MDFIC2: variants seen among roughly 807,000 people sequenced by gnomAD.
MDFIC2 encodes MyoD family inhibitor domain containing 2, also known as myoD family inhibitor domain-containing protein 2.
chr3:70,278,860 G>A (rs925802369), intron 2 of MDFIC2, among the ~76,000 whole-genome samples: 1 of 151,834 alleles, frequency 6.6e-6, no homozygotes, highest in Non-Finnish European at 1.5e-5. Flanking sequence ...AAGGGTTGTT[G>A]TAAAAACAAA....
At chr3:70,303,182 C>G (rs895327415) in intron 2 of MDFIC2, among the ~76,000 whole-genome samples, 1 of 152,104 alleles carries the variant, frequency 6.6e-6, no homozygotes, top group Admixed American at 6.5e-5. Context: ...GCTACTGGCT[C>G]TTAGAGTAGA....
intron 2 of MDFIC2, among the ~76,000 whole-genome samples, chr3:70,260,403 A>G (rs1701854675): frequency 6.6e-6 from 1 of 151,962 alleles, no homozygotes; most frequent in South Asian, 2.1e-4. Flanking sequence ...CAACAACCCT[A>G]TTTCCAAATA....
chr3:70,250,520 A>G (rs1329969502), intron 2 of MDFIC2, among the ~76,000 whole-genome samples: 1 of 152,116 alleles, frequency 6.6e-6, no homozygotes, highest in Non-Finnish European at 1.5e-5. Context: ...GAGCTTTTAG[A>G]TAAATATTTT....
At chr3:70,256,028 G>A (rs755862085) in intron 2 of MDFIC2, among the ~76,000 whole-genome samples, 7 of 152,264 alleles carry the variant, frequency 4.6e-5, no homozygotes, top group East Asian at 3.9e-4. Flanking sequence ...AGGTGTAATA[G>A]TACCACCCCA....
Position 70,224,392 on chromosome 3 carries a change from C to A in MDFIC2, c.89-17602G>T, listed in dbSNP as rs537711598. ...CTGAGCTGCTTTATTTCATTATGTT[C>A]TCCTACCTATTCTAGAAGCCCTTTG... is the stretch of plus-strand genomic sequence containing the variant. On this transcript the variant is annotated intron_variant, in intron 2 of 3. Transcript: ENST00000567252. Among the ~76,000 whole-genome samples the A allele has an allele frequency of 2.0e-5, 3 of 152,252 alleles. No individual in the cohort carries two copies. In the East Asian group the frequency reaches 5.8e-4, roughly 29 times the overall value.
intron 2 of MDFIC2, among the ~76,000 whole-genome samples, chr3:70,294,634 G>T (rs1328814771): frequency 1.3e-5 from 2 of 152,034 alleles, no homozygotes; most frequent in African/African-American, 2.4e-5. Context: ...AACAGAAAAC[G>T]TCAACTCAAA....
intron 2 of MDFIC2, among the ~76,000 whole-genome samples, chr3:70,286,780 T>G (rs1257966193): frequency 1.3e-5 from 2 of 152,184 alleles, no homozygotes; most frequent in African/African-American, 4.8e-5. Flanking sequence ...TTCACATCCC[T>G]TATAAGTTGG....
chr3:70,263,240 A>G (rs1701885038), intron 2 of MDFIC2, among the ~76,000 whole-genome samples: 1 of 151,978 alleles, frequency 6.6e-6, no homozygotes, highest in Non-Finnish European at 1.5e-5. Flanking sequence ...AGTAATTTTT[A>G]CTGTATGCTG....
chr3:70,212,397 A>G (rs894124520), intron 2 of MDFIC2, among the ~76,000 whole-genome samples: 1 of 152,138 alleles, frequency 6.6e-6, no homozygotes, highest in Non-Finnish European at 1.5e-5. Context: ...TGGAGAATTC[A>G]CAGTTCAATT....
intron 2 of MDFIC2, among the ~76,000 whole-genome samples, chr3:70,234,009 G>A (rs1414070722): frequency 6.6e-6 from 1 of 152,154 alleles, no homozygotes; most frequent in Non-Finnish European, 1.5e-5. Flanking sequence ...GTAAAATGCT[G>A]AGTCATGTGA....
chr3:70,207,936 G>C (rs1159026392), intron 2 of MDFIC2, among the ~76,000 whole-genome samples: 1 of 152,082 alleles, frequency 6.6e-6, no homozygotes, highest in Non-Finnish European at 1.5e-5. Context: ...ACAAGCGCTG[G>C]GCTGTATATT....
At chr3:70,222,558 A>C (rs969792162) in intron 2 of MDFIC2, among the ~76,000 whole-genome samples, 10 of 152,194 alleles carry the variant, frequency 6.6e-5, no homozygotes, top group African/African-American at 2.4e-4. Context: ...TTGAATTCCA[A>C]ATAAATTTGA....
At chr3:70,262,270 G>A (rs988121429) in intron 2 of MDFIC2, among the ~76,000 whole-genome samples, 13 of 152,150 alleles carry the variant, frequency 8.5e-5, no homozygotes, top group African/African-American at 2.7e-4. Flanking sequence ...AGGCAGTGAA[G>A]CTTCAAACAA....
chr3:70,299,182 C>T (rs1338173001), intron 2 of MDFIC2, among the ~76,000 whole-genome samples: 1 of 152,052 alleles, frequency 6.6e-6, no homozygotes, highest in African/African-American at 2.4e-5. Context: ...TCATAGAATA[C>T]TATATGTAGA....
chr3:70,287,597 CT>C (rs1168436216), intron 2 of MDFIC2, among the ~76,000 whole-genome samples: 1 of 152,066 alleles, frequency 6.6e-6, no homozygotes, highest in Non-Finnish European at 1.5e-5. Context: ...AGGATTCCCT[CT>C]TTTTCTATTG....
intron 3 of MDFIC2, among the ~76,000 whole-genome samples, chr3:70,203,606 C>T (rs1200384417): frequency 6.6e-6 from 1 of 151,958 alleles, no homozygotes; most frequent in Non-Finnish European, 1.5e-5. Flanking sequence ...AAAATTGAAA[C>T]ATTTTATAAG....
chr3:70,215,082 A>G (rs1559536951), intron 2 of MDFIC2, among the ~76,000 whole-genome samples: 1 of 152,156 alleles, frequency 6.6e-6, no homozygotes, highest in Non-Finnish European at 1.5e-5. Flanking sequence ...ATTCTCTATT[A>G]TGTTAAAACC....
At chr3:70,282,310 T>C (rs1702093822) in intron 2 of MDFIC2, among the ~76,000 whole-genome samples, 1 of 152,172 alleles carries the variant, frequency 6.6e-6, no homozygotes, top group Non-Finnish European at 1.5e-5. Context: ...AGAAGATGTA[T>C]CCACCACATG....
chr3:70,259,249 T>C (rs1447049064), intron 2 of MDFIC2, among the ~76,000 whole-genome samples: 1 of 151,896 alleles, frequency 6.6e-6, no homozygotes, highest in African/African-American at 2.4e-5. Flanking sequence ...AAGAAAGAGG[T>C]AAGAGTTGGA....
Sources: allele counts gnomAD v4.1 joint callset (sites outside exome capture counted in the v4.1 genomes callset), GRCh38; gene constraint gnomAD v4.1.1; transcripts MANE v1.5; gene names NCBI Gene and HGNC (gene_info 2026-07-23, HGNC 2026-07-21).